Variants in ZNF540 observed in about 807,000 individuals in gnomAD.
ZNF540 encodes the protein CTD-3064H18.6.
Under a neutral mutation model 11.8 loss-of-function variants are expected in ZNF540, and 3 were observed. The observed-to-expected ratio is 0.25, with a 90% confidence interval of 0.12 to 0.65. The LOEUF (loss-of-function observed/expected upper bound fraction) is 0.65. Ranked by LOEUF, ZNF540 falls within the 30% of genes least tolerant of loss-of-function variation. The pLI, the probability that ZNF540 is intolerant of heterozygous loss-of-function variation, is 0.83. For missense variants in ZNF540, 709 were observed against 793.1 expected (o/e 0.89, Z 1.27); for synonymous variants, 247 against 259.0 (o/e 0.95, Z 0.45).
chr19:37,565,359 G>T, intron 1 of ZNF540: 1 of 1,613,752 alleles, frequency 6.2e-7, no homozygotes, highest in South Asian at 1.1e-5. Flanking sequence ...TCTCCTGTAT[G>T]AATTCTCTGA....
chr19:37,589,448 C>CA (rs995044353), intron 1 of ZNF540, among the ~76,000 whole-genome samples: 3 of 150,316 alleles, frequency 2.0e-5, no homozygotes, highest in African/African-American at 4.9e-5. Context: ...AAGAGAAAGA[C>CA]AAAAAAATCA....
Position 37,601,016 on chromosome 19 carries a change from C to T in ZNF540, c.143C>T (p.Ser48Phe). 6.3e-7 allele frequency: 1 copy of T among 1,576,478 alleles called. No homozygotes were observed. Among genetic ancestry groups the T allele is most frequent in the Non-Finnish European group, 8.6e-7 (1 of 1,161,092 alleles). The change falls in exon 4 of 5, where the codon TCT (serine) becomes TTT (phenylalanine). Residue 48 changes from serine to phenylalanine, a missense_variant. Transcript: ENST00000316433. ...ATTTCTTTCTTGTAAGCAGGATATT[C>T]TGGCTCAAAGCCAGATGTGATTACC... is the stretch of plus-strand genomic sequence containing the variant. ...NYNNLVSLGY[S>F]GSKPDVITLL...
intron 1 of ZNF540, among the ~76,000 whole-genome samples, chr19:37,588,735 T>C (rs1459901356): frequency 1.3e-5 from 2 of 152,204 alleles, no homozygotes; most frequent in East Asian, 3.9e-4. Flanking sequence ...TTTAAAAAGT[T>C]GGATACTGCA....
rs1205348064 is a variant in ZNF540 at position 37,601,035 on chromosome 19, G to A, written c.162G>A (p.Val54=). The change falls in exon 4 of 5, where the codon GTG becomes GTA. Residue 54 remains valine (V), a synonymous_variant. Transcript: ENST00000316433. The stretch of plus-strand genomic sequence containing the variant: ...GATATTCTGGCTCAAAGCCAGATGT[G>A]ATTACCTTACTGGAGCAAGGGAAAG... The part of the protein sequence containing the change: ...SLGYSGSKPD[V]ITLLEQGKEP... The A allele has an allele frequency of 4.4e-6, 7 of 1,589,244 alleles. No homozygotes were observed. The highest frequency in any genetic ancestry group is 1.3e-5 in the African/African-American group (1 of 74,470).
At chr19:37,607,656 A>G (rs1470639427) in intron 4 of ZNF540, among the ~76,000 whole-genome samples, 4 of 152,070 alleles carry the variant, frequency 2.6e-5, no homozygotes, top group Admixed American at 1.3e-4. Flanking sequence ...TTATTCTTTT[A>G]GCACTGAATA....
Position 37,599,721 on chromosome 19 carries a change from G to T in ZNF540, c.105G>T (p.Met35Ile), listed in dbSNP as rs762019758. 5.0e-6 allele frequency: 8 copies of T among 1,611,736 alleles called. No homozygotes were observed. The highest frequency in any genetic ancestry group is 3.4e-6 in the Non-Finnish European group (4 of 1,178,762). Residue 35 changes from methionine to isoleucine, a missense_variant, in exon 3 of 5, where the codon ATG (methionine) becomes ATT (isoleucine). Coordinates refer to ENST00000316433, the MANE Select transcript of ZNF540 (RefSeq NM_001172225.3). ...AGAGGAAATTGTACAGAGATGTGAT[G>T]TTGGAGAATTATAATAACTTGGTCT... ...TTQRKLYRDV[M>I]LENYNNLVSL...
intron 1 of ZNF540, chr19:37,565,988 C>A: frequency 1.9e-6 from 3 of 1,613,860 alleles, no homozygotes; most frequent in Non-Finnish European, 2.5e-6. Context: ...GTAGCTGAAA[C>A]CTTGTCTGCA....
chr19:37,611,541 A>G lies in ZNF540; in HGVS notation c.261A>G (p.Lys87=), dbSNP rs2044128526. The change falls in exon 5 of 5, where the codon AAA becomes AAG. Residue 87 remains lysine (K), a synonymous_variant. Coordinates refer to ENST00000316433, the MANE Select transcript of ZNF540 (RefSeq NM_001172225.3). ...PGLLSRHKTK[K]LSSEKDIHEI... ...TGTTATCCAGGCATAAGACCAAGAAATTATCTTCAGAAAAGGACATTCATG... is the reference window on the plus strand; with the variant it reads ...TGTTATCCAGGCATAAGACCAAGAAGTTATCTTCAGAAAAGGACATTCATG... 1.2e-6 allele frequency: 2 copies of G among 1,601,556 alleles called. No homozygotes were observed. The highest frequency in any genetic ancestry group is 1.7e-6 in the Non-Finnish European group (2 of 1,175,130).
chr19:37,609,576 A>C (rs2044112360), intron 4 of ZNF540, among the ~76,000 whole-genome samples: 1 of 151,148 alleles, frequency 6.6e-6, no homozygotes, highest in Non-Finnish European at 1.5e-5. Flanking sequence ...GGCCGGGCGC[A>C]GTGGCTCATG....
At chr19:37,589,864 C>CAA (rs60136941), upstream of ZNF540, among the ~76,000 whole-genome samples, 875 of 29,528 alleles carry the variant, frequency 0.03, 222 homozygotes, top group Middle Eastern at 0.071. Flanking sequence ...GACTCCATCT[C>CAA]AAAAAAAAAA....
At position 37,613,243 on chromosome 19, in the gene ZNF540, A is replaced by G. The variant is rs1487576464; in HGVS notation, c.1963A>G (p.Lys655Glu). Residue 655 changes from lysine (K) to glutamate (E), a missense_variant, in exon 5 of 5, where the codon AAA becomes GAA. Physicochemically the swap from Lys to Glu is moderately conservative, Grantham distance 56. Coordinates refer to ENST00000316433, the MANE Select transcript of ZNF540 (RefSeq NM_001172225.3). ...RQYSHLYQHQ[K>E]THNVI ...ATATTCACATCTTTATCAACATCAG[A>G]AAACTCATAATGTAATTTAATATAA... The G allele has an allele frequency of 4.0e-6, 6 of 1,510,320 alleles. No individual in the cohort carries two copies. The African/African-American group carries it at 7.0e-5, about 18-fold the overall frequency. The allele number at this position is 1,510,320 out of a possible 1,614,324, so 93.6% of individuals were successfully genotyped here.
At position 37,586,492 on chromosome 19, in the gene ZNF540, G is replaced by A. The variant is rs16974081; in HGVS notation, c.-72-11884G>A. On this transcript the variant is annotated intron_variant, in intron 1 of 4. Coordinates refer to the ZNF540 transcript ENST00000592533. ...GAATATCTGAAAACTGTTTGGAGAGGGGAAAAGCATTGAGAAGAATTGGGC... is the reference window on the plus strand; with the variant it reads ...GAATATCTGAAAACTGTTTGGAGAGAGGAAAAGCATTGAGAAGAATTGGGC... 2.6e-3 allele frequency: 1,725 copies of A among 671,216 alleles called. 23 individuals carry two copies. In the African/African-American group the frequency reaches 0.028, roughly 11 times the overall value. 41.6% of individuals were successfully genotyped at this position (671,216 alleles called of 1,614,324 possible). A position where few individuals can be genotyped will look rare whatever the true frequency, so the allele number is the denominator to read the frequency against.
rs201851369 is a variant in ZNF540 at position 37,612,080 on chromosome 19, G to C, written c.800G>C (p.Gly267Ala). 2.7e-4 allele frequency: 441 copies of C among 1,611,468 alleles called. No homozygotes were observed. Among genetic ancestry groups the C allele is most frequent in the Non-Finnish European group, 2.3e-4 (271 of 1,179,592 alleles). ...QLNRHQKIHT[G>A]KKPYMCKKCD... Reference sequence around the variant, plus strand: ...AATCGACATCAGAAAATTCACACTGGTAAAAAACCCTATATGTGTAAGAAA... The same window carrying C: ...AATCGACATCAGAAAATTCACACTGCTAAAAAACCCTATATGTGTAAGAAA... Residue 267 changes from glycine (G) to alanine (A), a missense_variant, in exon 5 of 5, where the codon GGT becomes GCT. Gly to Ala is a moderately conservative substitution (Grantham distance 60). Coordinates refer to ENST00000316433, the MANE Select transcript of ZNF540 (RefSeq NM_001172225.3).
At chr19:37,594,149 T>C (rs2147219913), upstream of ZNF540, 1 of 152,334 alleles carries the variant, frequency 6.6e-6, no homozygotes, top group South Asian at 2.1e-4. Flanking sequence ...TCTTTAACAG[T>C]GGTCTTCTTC....
At chr19:37,561,048 CA>C (rs199892724) in intron 1 of ZNF540, among the ~76,000 whole-genome samples, 5,403 of 72,742 alleles carry the variant, frequency 0.074, 49 homozygotes, top group African/African-American at 0.12. Context: ...CCTGTCTCTA[CA>C]AAAAAAAAAA....
chr19:37,599,866 C>A, intron 3 of ZNF540, 114 bp downstream of exon 3: 1 of 1,200,758 alleles, frequency 8.3e-7, no homozygotes, highest in Non-Finnish European at 1.1e-6. Flanking sequence ...CTCTCTTCCT[C>A]AAGGAATGGA....
At chr19:37,573,798 A>G (rs1454748241) in intron 1 of ZNF540, among the ~76,000 whole-genome samples, 2 of 150,864 alleles carry the variant, frequency 1.3e-5, no homozygotes, top group Non-Finnish European at 3.0e-5. Context: ...GTGCCACTGC[A>G]CTCCAGTCTG....
intron 1 of ZNF540, chr19:37,567,830 A>T (rs2042914179): frequency 6.6e-6 from 1 of 151,988 alleles, no homozygotes; most frequent in South Asian, 2.1e-4. Flanking sequence ...TTATCTGTTG[A>T]TCTTTCTGCT....
At chr19:37,570,332 C>A (rs1229131459) in intron 1 of ZNF540, among the ~76,000 whole-genome samples, 2 of 152,152 alleles carry the variant, frequency 1.3e-5, no homozygotes, top group Non-Finnish European at 2.9e-5. Flanking sequence ...ATTTTCTTCA[C>A]CTTCTTGATC....
Sources: gnomAD v4.1 joint callset for allele counts (sites outside exome capture counted in the v4.1 genomes callset) on GRCh38, gnomAD v4.1.1 for gene constraint, MANE v1.5 for transcripts, NCBI Gene and HGNC (gene_info 2026-07-23, HGNC 2026-07-21) for gene names.